Variants in PPARGC1A observed in about 807,000 individuals in gnomAD.
The protein encoded by PPARGC1A is peroxisome proliferator-activated receptor gamma coactivator 1-alpha.
PPARGC1A carries 25 observed loss-of-function variants against 88.7 expected under a neutral mutation model. That is an observed-to-expected ratio of 0.28 (90% CI 0.21 to 0.39). PPARGC1A has a LOEUF of 0.39. Among genes scored for constraint, PPARGC1A ranks in the 10% least tolerant of loss-of-function variants. PPARGC1A has a pLI of 1.00. For synonymous variants in PPARGC1A, 363 were observed against 355.6 expected, an observed-to-expected ratio of 1.02 and a Z score of -0.24; for missense variants, 880 against 968.7, an observed-to-expected ratio of 0.91 and a Z score of 1.22.
the PPARGC1A span, among the ~76,000 whole-genome samples, chr4:24,317,020 T>C: frequency 6.6e-6 from 1 of 152,180 alleles, no homozygotes; most frequent in Non-Finnish European, 1.5e-5. Context: ...AACTGAGAAC[T>C]GTTCTAAGAA....
At chr4:23,812,656 TTTTG>T (rs1721133393) in intron 10 of PPARGC1A, 87 bp downstream of exon 10, 5 of 1,575,448 alleles carry the variant, frequency 3.2e-6, no homozygotes, top group Middle Eastern at 1.7e-4. Context: ...AAGACTTAGC[TTTTG>T]TTTATTTTCT....
At chr4:24,393,101 A>G in the PPARGC1A span, among the ~76,000 whole-genome samples, 1,975 of 151,896 alleles carry the variant, frequency 0.013, 45 homozygotes, top group African/African-American at 0.046. Context: ...TAACTTGCTC[A>G]TGAATGGTTT....
the PPARGC1A span, among the ~76,000 whole-genome samples, chr4:23,962,262 A>G: frequency 6.6e-6 from 1 of 152,172 alleles, no homozygotes; most frequent in Non-Finnish European, 1.5e-5. Context: ...TGGGGGAAAG[A>G]AAGTAAAGCA....
At chr4:24,368,700 A>G in the PPARGC1A span, among the ~76,000 whole-genome samples, 239 of 152,294 alleles carry the variant, frequency 1.6e-3, 2 homozygotes, top group Admixed American at 0.014. Context: ...TGGGCTGTGC[A>G]ATAAACTGAT....
At chr4:23,971,287 A>C in the PPARGC1A span, among the ~76,000 whole-genome samples, 1 of 152,306 alleles carries the variant, frequency 6.6e-6, no homozygotes, top group Non-Finnish European at 1.5e-5. Context: ...ATGGTTACTG[A>C]TGTAACCATC....
At chr4:23,925,226 C>T in the PPARGC1A span, among the ~76,000 whole-genome samples, 1 of 152,064 alleles carries the variant, frequency 6.6e-6, no homozygotes, top group South Asian at 2.1e-4. Context: ...GTCATTTTTA[C>T]CAATGAGCTG....
At chr4:23,903,115 T>G (rs1392228055), upstream of PPARGC1A, among the ~76,000 whole-genome samples, 1 of 152,204 alleles carries the variant, frequency 6.6e-6, no homozygotes, top group Non-Finnish European at 1.5e-5. Flanking sequence ...AGGAAAATCC[T>G]ACACTGGGGG....
the PPARGC1A span, among the ~76,000 whole-genome samples, chr4:24,370,861 C>A: frequency 7.0e-6 from 1 of 143,612 alleles, no homozygotes; most frequent in Non-Finnish European, 1.5e-5. Context: ...TTTGCTGCAC[C>A]TATCAACCCG....
chr4:24,074,771 T>G, the PPARGC1A span, among the ~76,000 whole-genome samples: 1 of 152,056 alleles, frequency 6.6e-6, no homozygotes, highest in Admixed American at 6.6e-5. Context: ...GCTTTGGCCC[T>G]TAAGTATCTA....
chr4:24,011,377 A>G, the PPARGC1A span, among the ~76,000 whole-genome samples: 1 of 152,080 alleles, frequency 6.6e-6, no homozygotes, highest in Non-Finnish European at 1.5e-5. Flanking sequence ...GCACTCACAC[A>G]TACACACTCA....
the PPARGC1A span, among the ~76,000 whole-genome samples, chr4:23,965,445 G>T: frequency 6.6e-6 from 1 of 152,176 alleles, no homozygotes; most frequent in Non-Finnish European, 1.5e-5. Flanking sequence ...AGCATAATGA[G>T]TACATTTAAG....
At chr4:24,083,022 T>C in the PPARGC1A span, among the ~76,000 whole-genome samples, 1 of 152,206 alleles carries the variant, frequency 6.6e-6, no homozygotes. Flanking sequence ...CATTTGTTCA[T>C]TCATGCATGA....
At chr4:24,135,106 C>G in the PPARGC1A span, among the ~76,000 whole-genome samples, 2 of 152,128 alleles carry the variant, frequency 1.3e-5, no homozygotes, top group African/African-American at 2.4e-5. Context: ...CCTTGGTGAA[C>G]TAAATATACA....
chr4:24,400,251 G>A, the PPARGC1A span, among the ~76,000 whole-genome samples: 1 of 152,192 alleles, frequency 6.6e-6, no homozygotes, highest in East Asian at 1.9e-4. Flanking sequence ...TAACATTGGA[G>A]TCAGAGGGCT....
chr4:23,871,563 A>C (rs901241985), intron 2 of PPARGC1A, among the ~76,000 whole-genome samples: 1 of 152,296 alleles, frequency 6.6e-6, no homozygotes, highest in Admixed American at 6.5e-5. Context: ...CAGAGGAGAG[A>C]GCAGGGTGTC....
chr4:24,471,026 G>T, the PPARGC1A span, among the ~76,000 whole-genome samples: 1 of 151,218 alleles, frequency 6.6e-6, no homozygotes, highest in African/African-American at 2.4e-5. This position sits in a 1 kb window ranked among gnomAD's most constrained non-coding sequence, Gnocchi z 5.4. Context: ...CCGGGAGGGA[G>T]CGCGCCAGCG....
chr4:23,913,500 A>G, the PPARGC1A span, among the ~76,000 whole-genome samples: 1 of 151,920 alleles, frequency 6.6e-6, no homozygotes, highest in Non-Finnish European at 1.5e-5. Flanking sequence ...TAGTAGAACA[A>G]CTGGTGAAAT....
chr4:24,394,436 C>G, the PPARGC1A span, among the ~76,000 whole-genome samples: 1 of 152,062 alleles, frequency 6.6e-6, no homozygotes, highest in African/African-American at 2.4e-5. Flanking sequence ...TAGCACTTCA[C>G]GACCTTCACT....
chr4:23,883,659 T>C lies in PPARGC1A; in HGVS notation c.234+1093A>G, dbSNP rs889516050. 3.2e-4 allele frequency: 48 copies of C among 152,208 alleles called. 1 individual carries two copies. The highest frequency in any genetic ancestry group is 1.0e-3 in the African/African-American group (43 of 41,462). 9.4% of individuals were successfully genotyped at this position (152,208 alleles called of 1,614,324 possible). On this transcript the variant is annotated intron_variant, in intron 2 of 12. Transcript: ENST00000264867. ...CAAGGATAAGTGAGATGACATATATTAAGCATGAGTATACCAAAATGTTGG... is the reference window on the plus strand; with the variant it reads ...CAAGGATAAGTGAGATGACATATATCAAGCATGAGTATACCAAAATGTTGG...
Sources: gnomAD v4.1 joint callset for allele counts (sites outside exome capture counted in the v4.1 genomes callset) on GRCh38, gnomAD v4.1.1 for gene constraint, Gnocchi (gnomAD v3.1) non-coding constraint, MANE v1.5 for transcripts, NCBI Gene and HGNC (gene_info 2026-07-23, HGNC 2026-07-21) for gene names.